Variants in MRTFA observed in about 807,000 individuals in gnomAD.
The protein encoded by MRTFA is myocardin related transcription factor A.
Under a neutral mutation model 83.5 loss-of-function variants are expected in MRTFA, and 20 were observed. That is an observed-to-expected ratio of 0.24 (90% confidence interval 0.17 to 0.35). The LOEUF is 0.35. Among genes scored for constraint, MRTFA ranks in the 10% least tolerant of loss-of-function variants. The pLI is 1.00. For synonymous variants in MRTFA, 659 were observed against 541.2 expected (o/e 1.22, Z -3.02); for missense variants, 1,200 against 1,224.7 (o/e 0.98, Z 0.30).
intron 3 of MRTFA, among the ~76,000 whole-genome samples, chr22:40,517,261 GT>G (rs565559796): frequency 6.6e-6 from 1 of 152,144 alleles, no homozygotes; most frequent in African/African-American, 2.4e-5. Flanking sequence ...AAAGTTGGAG[GT>G]TTTTTTGTTT....
intron 3 of MRTFA, among the ~76,000 whole-genome samples, chr22:40,529,462 A>G (rs2055037492): frequency 1.3e-5 from 2 of 152,054 alleles, no homozygotes; most frequent in South Asian, 4.2e-4. Flanking sequence ...AATTACAGGC[A>G]CCCACCACCA....
At chr22:40,496,744 T>C (rs1460275422) in intron 3 of MRTFA, among the ~76,000 whole-genome samples, 2 of 146,796 alleles carry the variant, frequency 1.4e-5, no homozygotes, top group Admixed American at 6.7e-5. Context: ...CAATCTATTT[T>C]CTCTTTCTCC....
At chr22:40,492,379 C>A (rs1263681211) in intron 3 of MRTFA, among the ~76,000 whole-genome samples, 1 of 152,178 alleles carries the variant, frequency 6.6e-6, no homozygotes, top group Non-Finnish European at 1.5e-5. Context: ...TTCTTCCTGT[C>A]AGCACTGGGC....
At chr22:40,466,796 T>C (rs1037889090) in intron 3 of MRTFA, among the ~76,000 whole-genome samples, 1 of 152,152 alleles carries the variant, frequency 6.6e-6, no homozygotes, top group African/African-American at 2.4e-5. Context: ...CATAGGGATA[T>C]TACATAAACT....
At chr22:40,485,263 C>T (rs2147191755) in intron 3 of MRTFA, among the ~76,000 whole-genome samples, 1 of 152,276 alleles carries the variant, frequency 6.6e-6, no homozygotes, top group East Asian at 1.9e-4. Flanking sequence ...CCAGTATTAA[C>T]ATCCATCCCT....
At chr22:40,541,002 G>C (rs1322170920) in intron 3 of MRTFA, among the ~76,000 whole-genome samples, 2 of 151,940 alleles carry the variant, frequency 1.3e-5, no homozygotes, top group African/African-American at 4.8e-5. Flanking sequence ...ATTTTCATTA[G>C]AACACATACT....
intron 3 of MRTFA, among the ~76,000 whole-genome samples, chr22:40,472,120 TC>T (rs2053926084): frequency 6.6e-6 from 1 of 152,200 alleles, no homozygotes; most frequent in Non-Finnish European, 1.5e-5. Context: ...ATCCCTGTAA[TC>T]CTTCTCTCAT....
chr22:40,484,399 A>G (rs2054141465), intron 3 of MRTFA, among the ~76,000 whole-genome samples: 1 of 152,216 alleles, frequency 6.6e-6, no homozygotes, highest in South Asian at 2.1e-4. Context: ...GATCAAACAC[A>G]TAAAGGAGAA....
At chr22:40,553,323 T>A (rs985607860) in intron 2 of MRTFA, among the ~76,000 whole-genome samples, 2 of 151,976 alleles carry the variant, frequency 1.3e-5, no homozygotes, top group Non-Finnish European at 1.5e-5. Flanking sequence ...GGGGAAAACG[T>A]CTCCAGGGCA....
chr22:40,534,914 A>G (rs1038543527), intron 3 of MRTFA, among the ~76,000 whole-genome samples: 2 of 152,248 alleles, frequency 1.3e-5, no homozygotes, highest in African/African-American at 4.8e-5. Flanking sequence ...AGACCTTAAG[A>G]GAGAAAATAG....
At chr22:40,514,464 TC>T (rs2054722520) in intron 3 of MRTFA, among the ~76,000 whole-genome samples, 1 of 149,098 alleles carries the variant, frequency 6.7e-6, no homozygotes, top group South Asian at 2.2e-4. Flanking sequence ...AACAAAAATG[TC>T]CCTCCTACAT....
At chr22:40,450,646 CA>C (rs1370966895) in intron 4 of MRTFA, among the ~76,000 whole-genome samples, 1 of 150,008 alleles carries the variant, frequency 6.7e-6, no homozygotes, top group East Asian at 2.0e-4. Flanking sequence ...AAAGTAGAAA[CA>C]GGGTTTCATC....
intron 3 of MRTFA, among the ~76,000 whole-genome samples, chr22:40,495,063 A>G (rs980768557): frequency 6.6e-6 from 1 of 151,950 alleles, no homozygotes; most frequent in African/African-American, 2.4e-5. Flanking sequence ...AGATTACAAG[A>G]TATTATGCAT....
chr22:40,592,176 C>A (rs1309173089), intron 2 of MRTFA, among the ~76,000 whole-genome samples: 1 of 151,446 alleles, frequency 6.6e-6, no homozygotes, highest in Non-Finnish European at 1.5e-5. Flanking sequence ...GCCTGTAAAT[C>A]CCAACACTTT....
At chr22:40,490,843 T>C (rs1424532804) in intron 3 of MRTFA, among the ~76,000 whole-genome samples, 1 of 152,162 alleles carries the variant, frequency 6.6e-6, no homozygotes, top group Non-Finnish European at 1.5e-5. Flanking sequence ...TAGTAGATAA[T>C]TAGGGTTTCC....
intron 3 of MRTFA, among the ~76,000 whole-genome samples, chr22:40,527,708 G>A (rs987532039): frequency 1.7e-4 from 25 of 148,440 alleles, no homozygotes; most frequent in African/African-American, 4.0e-4. Flanking sequence ...GCAGTGAGCC[G>A]AGATCGCATC....
chr22:40,465,057 C>T (rs1351762235), intron 3 of MRTFA, among the ~76,000 whole-genome samples: 2 of 152,160 alleles, frequency 1.3e-5, no homozygotes, highest in Non-Finnish European at 2.9e-5. Flanking sequence ...TTTTTCCTAC[C>T]TCTTTTATTC....
chr22:40,586,859 C>T, intron 2 of MRTFA: 1 of 412,666 alleles, frequency 2.4e-6, no homozygotes, highest in Non-Finnish European at 4.9e-6. Flanking sequence ...GACTGCAACC[C>T]CCTTTCTCAT....
At chr22:40,467,133 T>C (rs2053823906) in intron 3 of MRTFA, among the ~76,000 whole-genome samples, 1 of 152,168 alleles carries the variant, frequency 6.6e-6, no homozygotes, top group African/African-American at 2.4e-5. Flanking sequence ...ACTCTGTGCT[T>C]ATCTGACATC....
Sources: allele counts gnomAD v4.1 joint callset (sites outside exome capture counted in the v4.1 genomes callset), GRCh38; gene constraint gnomAD v4.1.1; transcripts MANE v1.5; gene names NCBI Gene and HGNC (gene_info 2026-07-23, HGNC 2026-07-21).